The following PIK3R1 variants were observed in gnomAD, a reference collection of about 807,000 sequenced individuals.
PIK3R1 encodes phosphatidylinositol 3-kinase regulatory subunit alpha.
A neutral mutation model predicts 98.0 loss-of-function variants in PIK3R1; 29 were observed. The ratio of observed to expected loss-of-function variants is 0.30; its 90% CI spans 0.22 to 0.40. PIK3R1 has a LOEUF of 0.40. PIK3R1 is among the 10% of genes least tolerant of loss of function. The pLI, the probability that PIK3R1 is intolerant of heterozygous loss-of-function variation, is 1.00. For missense variants in PIK3R1, 596 were observed against 872.7 expected, an observed-to-expected ratio of 0.68 and a Z score of 3.99; for synonymous variants, 282 against 311.8, an observed-to-expected ratio of 0.90 and a Z score of 1.01.
rs1216916435 is a variant in PIK3R1, at chr5:68,299,134, A to T, written c.*1533A>T. The T allele has an allele frequency of 4.3e-6, 1 of 233,534 alleles. No homozygotes were observed. The highest frequency in any genetic ancestry group is 6.0e-5 in the East Asian group (1 of 16,574). The allele number at this position is 233,534 out of a possible 1,614,324, so 14.5% of individuals were successfully genotyped here. ...AAGTTTGTTTTTGGGTTCCTGGAACAGCGCTCACCTTTGTTTAGAACACTG... is the reference window on the plus strand; with the variant it reads ...AAGTTTGTTTTTGGGTTCCTGGAACTGCGCTCACCTTTGTTTAGAACACTG... On this transcript the variant is annotated 3_prime_UTR_variant, in exon 16 of 16. Coordinates refer to ENST00000521381, the MANE Select transcript of PIK3R1 (RefSeq NM_181523.3).
At position 68,297,482 on chromosome 5, in the gene PIK3R1, A is replaced by T. The variant is rs2112291384; in HGVS notation, c.2056A>T (p.Asn686Tyr). Residue 686 changes from asparagine to tyrosine, a missense_variant, in exon 16 of 16, where the codon AAC becomes TAC. Asn to Tyr is a moderately radical substitution (Grantham distance 143, BLOSUM62 -2). Transcript: ENST00000521381. ...TGGCTATGGCTTTGCCGAGCCCTAT[A>T]ACTTGTACAGCTCTCTGAAAGAACT... is the stretch of plus-strand genomic sequence containing the variant. ...ATGYGFAEPY[N>Y]LYSSLKELVL... 6.2e-7 allele frequency: 1 copy of T among 1,614,166 alleles called. No homozygotes were observed. Among genetic ancestry groups the T allele is most frequent in the African/African-American group, 1.3e-5 (1 of 75,052 alleles).
intron 2 of PIK3R1, among the ~76,000 whole-genome samples, chr5:68,231,084 A>G (rs1050545416): frequency 6.6e-6 from 1 of 152,212 alleles, no homozygotes; most frequent in African/African-American, 2.4e-5. Context: ...AAATGGGGAT[A>G]TAGGGATATG....
intron 7 of PIK3R1, among the ~76,000 whole-genome samples, chr5:68,289,442 A>G (rs1252649916): frequency 6.6e-6 from 1 of 152,030 alleles, no homozygotes; most frequent in African/African-American, 2.4e-5. Context: ...AATTTTACAG[A>G]AAGTCTCAAG....
rs144312303 is a variant in PIK3R1, at chr5:68,290,746, G to T, written c.917-1513G>T. On this transcript the variant is annotated intron_variant, in intron 7 of 15. Coordinates refer to ENST00000521381, the MANE Select transcript of PIK3R1 (RefSeq NM_181523.3). ...TTGCACAAATGTACAATACTGTTTG[G>T]AATATGGAAGACCTGGATTTAGAAT... The T allele has an allele frequency of 3.0e-4, 479 of 1,612,992 alleles. 1 individual carries two copies. The highest frequency in any genetic ancestry group is 3.8e-4 in the Non-Finnish European group (447 of 1,179,500).
At position 68,292,317 on chromosome 5, in the gene PIK3R1, T is replaced by C. The variant is rs777752987; in HGVS notation, c.975T>C (p.Asn325=). The part of the protein sequence containing the change: ...TTVANNGMNN[N]MSLQDAEWYW... ...TAGCCAACAACGGTATGAATAACAA[T>C]ATGTCCTTACAAGATGCTGAATGGT... The change falls in exon 8 of 16, where the codon AAT becomes AAC. Residue 325 remains asparagine, a synonymous_variant. Transcript: ENST00000521381. 1.2e-6 allele frequency: 2 copies of C among 1,613,604 alleles called. No individual in the cohort carries two copies. The highest frequency in any genetic ancestry group is 1.7e-6 in the Non-Finnish European group (2 of 1,179,536).
In PIK3R1 at chr5:68,257,417, G is replaced by A. The variant is rs192090004; in HGVS notation, c.335-15973G>A. Among the ~76,000 whole-genome samples the A allele has an allele frequency of 4.5e-3, 685 of 151,486 alleles. 6 individuals are homozygous for A. The highest frequency in any genetic ancestry group is 0.016 in the African/African-American group (659 of 41,164). ...TGCAAAGGCAGGCCCCGGTAATTACGGTTTAATGTTGTTCTTTTTACCCCT... is the reference window on the plus strand; with the variant it reads ...TGCAAAGGCAGGCCCCGGTAATTACAGTTTAATGTTGTTCTTTTTACCCCT... On this transcript the variant is annotated intron_variant, in intron 2 of 15. Coordinates refer to ENST00000521381, the MANE Select transcript of PIK3R1 (RefSeq NM_181523.3).
intron 2 of PIK3R1, among the ~76,000 whole-genome samples, chr5:68,236,342 T>C (rs548649032): frequency 2.5e-4 from 38 of 152,112 alleles, no homozygotes; most frequent in South Asian, 1.9e-3. Flanking sequence ...CTCCGCCTCC[T>C]GGGTTCACGC....
chr5:68,295,822 T>C, intron 14 of PIK3R1: 1 of 452,760 alleles, frequency 2.2e-6, no homozygotes, highest in Non-Finnish European at 4.0e-6. Flanking sequence ...GTATATACTT[T>C]GTTTGAATTA....
chr5:68,242,876 G>A (rs1337890840), intron 2 of PIK3R1, among the ~76,000 whole-genome samples: 1 of 152,180 alleles, frequency 6.6e-6, no homozygotes, highest in Non-Finnish European at 1.5e-5. Flanking sequence ...CTGGATCTAA[G>A]CGGGAATAAA....
At position 68,300,312 on chromosome 5, in the gene PIK3R1, G is replaced by A. The variant is rs570065583; in HGVS notation, c.*2711G>A. The stretch of plus-strand genomic sequence containing the variant: ...GTGTAGCTTGCCCACCGCATTTGTC[G>A]TTTTAGATACTTTGCTAGCCGGCCA... On this transcript the variant is annotated 3_prime_UTR_variant, in exon 16 of 16. Coordinates refer to ENST00000521381, the MANE Select transcript of PIK3R1 (RefSeq NM_181523.3). The A allele has an allele frequency of 2.1e-5, 5 of 232,926 alleles. No individual in the cohort carries two copies. The highest frequency in any genetic ancestry group is 3.6e-4 in the South Asian group (2 of 5,518). 14.4% of individuals were successfully genotyped at this position (232,926 alleles called of 1,614,324 possible). A position where few individuals can be genotyped will look rare whatever the true frequency, so the allele number is the denominator to read the frequency against.
At chr5:68,223,161 T>TCATCATCAC (rs1744154317) in intron 1 of PIK3R1, among the ~76,000 whole-genome samples, 1 of 124,650 alleles carries the variant, frequency 8.0e-6, no homozygotes, top group Non-Finnish European at 1.7e-5. Flanking sequence ...ATCATCATCA[T>TCATCATCAC]CATCATCACC....
chr5:68,293,697 T>A lies in PIK3R1; in HGVS notation c.1300-12T>A, dbSNP rs1390016792. 12 of 1,413,032 alleles carry A rather than the reference T, an allele frequency of 8.5e-6. No homozygotes were observed. In the East Asian group the frequency reaches 2.7e-4, roughly 32 times the overall value. 87.5% of individuals were successfully genotyped at this position (1,413,032 alleles called of 1,614,324 possible). ...AATACCTTATCCATTGAATTTATTT[T>A]AATCTTTCTAGGATCAAGTTGTCAA... On this transcript the variant is annotated splice_polypyrimidine_tract_variant and intron_variant, in intron 10 of 15. Coordinates refer to ENST00000521381, the MANE Select transcript of PIK3R1 (RefSeq NM_181523.3).
intron 7 of PIK3R1, among the ~76,000 whole-genome samples, chr5:68,288,108 C>T (rs535338851): frequency 6.6e-6 from 1 of 152,244 alleles, no homozygotes; most frequent in African/African-American, 2.4e-5. Context: ...CAGCCACTTC[C>T]TGTGTTTGGC....
At chr5:68,287,701 C>G (rs1366583144) in intron 7 of PIK3R1, among the ~76,000 whole-genome samples, 2 of 152,194 alleles carry the variant, frequency 1.3e-5, no homozygotes, top group African/African-American at 4.8e-5. Context: ...ATCCTTTACC[C>G]CATTAGCTGG....
intron 2 of PIK3R1, among the ~76,000 whole-genome samples, chr5:68,237,885 G>T (rs1377174395): frequency 6.6e-6 from 1 of 152,092 alleles, no homozygotes; most frequent in African/African-American, 2.4e-5. Context: ...ATTCAGAAAG[G>T]GCCCAGGGAA....
intron 1 of PIK3R1, among the ~76,000 whole-genome samples, chr5:68,222,878 G>T (rs1019566664): frequency 6.6e-6 from 1 of 152,118 alleles, no homozygotes; most frequent in Non-Finnish European, 1.5e-5. Context: ...TACAGAGCTA[G>T]ACTGCCTGGA....
Position 68,297,808 on chromosome 5 carries a change from G to A in PIK3R1, c.*207G>A. 1 of 435,338 alleles carries A rather than the reference G, an allele frequency of 2.3e-6. No homozygotes were observed. The highest frequency in any genetic ancestry group is 4.1e-6 in the Non-Finnish European group (1 of 246,494). The allele number at this position is 435,338 out of a possible 1,614,324, so 27.0% of individuals were successfully genotyped here. ...TATGATGACCACACGTTCCTAAGCT[G>A]GAGTGCTTATCCCTTCTTTTTCTTT... On this transcript the variant is annotated 3_prime_UTR_variant, in exon 16 of 16. Transcript: ENST00000521381.
intron 1 of PIK3R1, among the ~76,000 whole-genome samples, chr5:68,219,182 T>G (rs903475370): frequency 6.6e-6 from 1 of 152,244 alleles, no homozygotes; most frequent in Middle Eastern, 3.2e-3. Context: ...CTAGAGTGAT[T>G]GTAGTATAGT....
At chr5:68,254,703 ATG>A (rs912007203) in intron 2 of PIK3R1, among the ~76,000 whole-genome samples, 3 of 152,230 alleles carry the variant, frequency 2.0e-5, no homozygotes, top group Non-Finnish European at 4.4e-5. Flanking sequence ...TACAATTTTA[ATG>A]TGATTTAAGG....
Sources: allele counts gnomAD v4.1 joint callset (sites outside exome capture counted in the v4.1 genomes callset), GRCh38; gene constraint gnomAD v4.1.1; transcripts MANE v1.5; gene names NCBI Gene and HGNC (gene_info 2026-07-23, HGNC 2026-07-21).